PCDHGA1: variants seen among roughly 807,000 people sequenced by gnomAD.
The protein encoded by PCDHGA1 is protocadherin gamma subfamily A, 1.
PCDHGA1 carries 32 observed loss-of-function variants against 58.0 expected under a neutral mutation model. That is an observed-to-expected ratio of 0.55 (90% CI 0.42 to 0.74). The LOEUF (loss-of-function observed/expected upper bound fraction) is 0.74, where lower values mean the gene tolerates loss of function less well. Ranked by LOEUF, PCDHGA1 falls within the 30% of genes least tolerant of loss-of-function variation. The pLI is 0.00. For synonymous variants in PCDHGA1, 498 were observed against 501.1 expected, an observed-to-expected ratio of 0.99 and a Z score of 0.08; for missense variants, 1,205 against 1,182.3, an observed-to-expected ratio of 1.02 and a Z score of -0.28.
intron 1 of PCDHGA1, among the ~76,000 whole-genome samples, chr5:141,483,755 G>A (rs2099586573): frequency 6.6e-6 from 1 of 152,130 alleles, no homozygotes. Flanking sequence ...TGAGGATCGA[G>A]GCTTGGAAAA....
At position 141,491,686 on chromosome 5, in the gene PCDHGA1, C is replaced by CG; in HGVS notation, c.2422-3118dup. 1 of 1,612,970 alleles carries CG rather than the reference C, an allele frequency of 6.2e-7. No individual in the cohort carries two copies. The highest frequency in any genetic ancestry group is 2.2e-5 in the East Asian group (1 of 44,838). ...CATCCGGTCCCGCTCTAATACGCTG[C>CG]GGGAGCGGAGCCAGGTGAGGGGCTC... On this transcript the variant is annotated intron_variant, in intron 1 of 3. Transcript: ENST00000517417. The surrounding 1 kb of genome is among the most constrained non-coding windows in gnomAD (Gnocchi z 6.9).
At position 141,384,387 on chromosome 5, in the gene PCDHGA1, C is replaced by T. The variant is rs774707320; in HGVS notation, c.2421+51282C>T. The T allele has an allele frequency of 3.1e-6, 5 of 1,613,950 alleles. No homozygotes were observed. The South Asian group carries it at 5.5e-5, about 18-fold the overall frequency. On this transcript the variant is annotated intron_variant, in intron 1 of 3. Transcript: ENST00000517417. ...CTTATTCCTTGGCCGAAGACACCATCCAGGGGGCTCCAGTGTCCTCCTATG... is the reference window on the plus strand; with the variant it reads ...CTTATTCCTTGGCCGAAGACACCATTCAGGGGGCTCCAGTGTCCTCCTATG...
In PCDHGA1 at chr5:141,491,633, C is replaced by T; in HGVS notation, c.2422-3174C>T. Reference sequence around the variant, plus strand: ...CTAAGACCCCTCAGCGTTCAGCAGCCCACAGCTCTGGCGCTGGAGCCTGAC... The same window carrying T: ...CTAAGACCCCTCAGCGTTCAGCAGCTCACAGCTCTGGCGCTGGAGCCTGAC... On this transcript the variant is annotated intron_variant, in intron 1 of 3. Transcript: ENST00000517417. This position sits in a 1 kb window ranked among gnomAD's most constrained non-coding sequence, Gnocchi z 6.9. 2 of 1,613,916 alleles carry T rather than the reference C, an allele frequency of 1.2e-6. No homozygotes were observed.
At chr5:141,382,819 G>A in intron 1 of PCDHGA1, 2 of 1,297,966 alleles carry the variant, frequency 1.5e-6, no homozygotes, top group Non-Finnish European at 2.1e-6. Context: ...CCCTTCCTAA[G>A]ACAGAGGGGT....
At chr5:141,460,010 G>A (rs376180479) in intron 1 of PCDHGA1, among the ~76,000 whole-genome samples, 1 of 152,126 alleles carries the variant, frequency 6.6e-6, no homozygotes, top group Admixed American at 6.5e-5. Context: ...CCCAGGAGGC[G>A]GAGGTTGCAG....
intron 1 of PCDHGA1, among the ~76,000 whole-genome samples, chr5:141,426,008 T>G (rs2096909040): frequency 6.6e-6 from 1 of 152,224 alleles, no homozygotes; most frequent in South Asian, 2.1e-4. Context: ...GGCTTCCGGC[T>G]GCAGTTTTCT....
chr5:141,495,415 C>T (rs1385371906), intron 2 of PCDHGA1, among the ~76,000 whole-genome samples: 1 of 152,194 alleles, frequency 6.6e-6, no homozygotes, highest in Admixed American at 6.5e-5. Context: ...TTCTCCGGCC[C>T]CTCCTCCCAC....
intron 1 of PCDHGA1, chr5:141,351,286 G>A (rs975525933): frequency 6.2e-7 from 1 of 1,613,760 alleles, no homozygotes; most frequent in South Asian, 1.1e-5. Flanking sequence ...ATGCCCCAGA[G>A]GTGACATTCA....
At chr5:141,423,460 G>A in intron 1 of PCDHGA1, 1 of 1,614,046 alleles carries the variant, frequency 6.2e-7, no homozygotes, top group Non-Finnish European at 8.5e-7. Context: ...TGTAGGCGTG[G>A]ACGGGGTACA....
At chr5:141,408,851 G>C in intron 1 of PCDHGA1, 1 of 1,613,574 alleles carries the variant, frequency 6.2e-7, no homozygotes, top group Non-Finnish European at 8.5e-7. Flanking sequence ...TGCCTTGGAC[G>C]GAGGGGACCC....
At chr5:141,342,488 T>C (rs1358159096) in intron 1 of PCDHGA1, 2 of 152,240 alleles carry the variant, frequency 1.3e-5, no homozygotes, top group Non-Finnish European at 2.9e-5. Flanking sequence ...AGCCTTTTAT[T>C]GAATGATACC....
At chr5:141,427,869 AC>A in intron 1 of PCDHGA1, 1 of 1,559,604 alleles carries the variant, frequency 6.4e-7, no homozygotes, top group Non-Finnish European at 8.8e-7. Context: ...CTTCGAGCTC[AC>A]GATGCAGGCC....
At position 141,393,567 on chromosome 5, in the gene PCDHGA1, C is replaced by T. The variant is rs766591189; in HGVS notation, c.2421+60462C>T. 6 of 1,613,798 alleles carry T rather than the reference C, an allele frequency of 3.7e-6. No homozygotes were observed. The African/African-American group carries it at 6.7e-5, about 18-fold the overall frequency. ...TCACCCGATTTACCGAGTGAAAGTC[C>T]TTGAGAACATGCCCCCAGGCACGCG... On this transcript the variant is annotated intron_variant, in intron 1 of 3. Transcript: ENST00000517417.
chr5:141,333,148 A>T, intron 1 of PCDHGA1, 43 bp downstream of exon 1: 1 of 1,612,226 alleles, frequency 6.2e-7, no homozygotes, highest in Non-Finnish European at 8.5e-7. Flanking sequence ...AGAGAAAAAT[A>T]ATTCTTGATT....
intron 1 of PCDHGA1, among the ~76,000 whole-genome samples, chr5:141,397,283 A>G: frequency 6.6e-6 from 1 of 152,232 alleles, no homozygotes; most frequent in East Asian, 1.9e-4. Context: ...TGGGCAGTAT[A>G]CTTGAATGAA....
chr5:141,383,972 A>C, intron 1 of PCDHGA1: 1 of 1,613,800 alleles, frequency 6.2e-7, no homozygotes, highest in Non-Finnish European at 8.5e-7. Context: ...TCAATCCCTG[A>C]AGACACACCT....
intron 1 of PCDHGA1, chr5:141,351,590 A>C (rs1758764675): frequency 6.2e-7 from 1 of 1,613,860 alleles, no homozygotes; most frequent in Admixed American, 1.7e-5. Flanking sequence ...CATCAACGAC[A>C]ATGCACCTGT....
Position 141,385,070 on chromosome 5 carries a change from T to C in PCDHGA1, c.2421+51965T>C, listed in dbSNP as rs766950021. 28 of 1,614,094 alleles carry C rather than the reference T, an allele frequency of 1.7e-5. No individual in the cohort carries two copies. In the South Asian group the frequency reaches 3.0e-4, roughly 17 times the overall value. ...CTGCGGCGCTGGCACAAGTCACGCC[T>C]GCTGCAGGCTTCAGAAGGTGGCTTG... On this transcript the variant is annotated intron_variant, in intron 1 of 3. Coordinates refer to ENST00000517417, the MANE Select transcript of PCDHGA1 (RefSeq NM_018912.3).
intron 1 of PCDHGA1, chr5:141,370,671 G>T (rs1767112872): frequency 2.5e-6 from 4 of 1,613,888 alleles, no homozygotes; most frequent in Non-Finnish European, 3.4e-6. Context: ...TATAGACCGA[G>T]AGGAGATTTG....
Sources: gnomAD v4.1 joint callset for allele counts (sites outside exome capture counted in the v4.1 genomes callset) on GRCh38, gnomAD v4.1.1 for gene constraint, Gnocchi (gnomAD v3.1) non-coding constraint, MANE v1.5 for transcripts, NCBI Gene and HGNC (gene_info 2026-07-23, HGNC 2026-07-21) for gene names.